Variants in CDH12 observed in about 807,000 individuals in gnomAD.
The protein encoded by CDH12 is cadherin 12, also known as cadherin-12.
Under a neutral mutation model 74.1 loss-of-function variants are expected in CDH12, and 41 were observed. That is an observed-to-expected ratio of 0.55 (90% CI 0.43 to 0.72). The LOEUF (loss-of-function observed/expected upper bound fraction) is 0.72. CDH12 is among the 30% of genes least tolerant of loss of function. The probability of loss-of-function intolerance (pLI) is 0.00; values close to 1 mark genes in which losing one functional copy is unlikely to be tolerated. For missense variants in CDH12, 945 were observed against 977.2 expected, an observed-to-expected ratio of 0.97 and a Z score of 0.44; for synonymous variants, 399 against 355.0, an observed-to-expected ratio of 1.12 and a Z score of -1.39.
chr5:22,709,238 CAA>C (rs1743176341), intron 1 of CDH12, among the ~76,000 whole-genome samples: 1 of 152,034 alleles, frequency 6.6e-6, no homozygotes, highest in Non-Finnish European at 1.5e-5. Flanking sequence ...GTAATGCAAA[CAA>C]ATAATAACCG....
chr5:21,790,833 A>G (rs1249674322), intron 10 of CDH12, among the ~76,000 whole-genome samples: 2 of 151,986 alleles, frequency 1.3e-5, no homozygotes, highest in Non-Finnish European at 2.9e-5. Flanking sequence ...AAGTCGTGGC[A>G]CACATAACCT....
intron 6 of CDH12, chr5:21,889,889 A>G (rs1482072773): frequency 1.0e-6 from 1 of 981,122 alleles, no homozygotes. Flanking sequence ...TTAGCATATA[A>G]GTTACCCCAC....
intron 1 of CDH12, among the ~76,000 whole-genome samples, chr5:22,786,840 T>A (rs897257489): frequency 1.3e-5 from 2 of 151,932 alleles, no homozygotes; most frequent in Non-Finnish European, 2.9e-5. Flanking sequence ...TGCCTCAGCC[T>A]CCCAAGTAGC....
chr5:22,566,847 A>G (rs1003089130), intron 1 of CDH12, among the ~76,000 whole-genome samples: 2 of 152,156 alleles, frequency 1.3e-5, no homozygotes, highest in Non-Finnish European at 2.9e-5. Context: ...GCTGTTTTTC[A>G]TAATATACTT....
At chr5:22,187,862 T>C (rs1408077040) in intron 4 of CDH12, among the ~76,000 whole-genome samples, 1 of 152,198 alleles carries the variant, frequency 6.6e-6, no homozygotes, top group African/African-American at 2.4e-5. Context: ...CACTGTGATT[T>C]AAAATGAGAG....
intron 5 of CDH12, among the ~76,000 whole-genome samples, chr5:22,059,253 C>CTA (rs1740985700): frequency 6.9e-6 from 1 of 144,216 alleles, no homozygotes; most frequent in Non-Finnish European, 1.5e-5. Flanking sequence ...TTTCCTTGTA[C>CTA]TCTATCTATC....
chr5:22,308,753 C>A lies in CDH12; in HGVS notation c.-332-96110G>T, dbSNP rs530486953. ...CAGGTTTCAGGAACTAGGACATGGA[C>A]ACCATGGGAAGGATATTATTCAGCC... is the stretch of plus-strand genomic sequence containing the variant. On this transcript the variant is annotated intron_variant, in intron 3 of 14. Transcript: ENST00000382254. Among the ~76,000 whole-genome samples, 4 of 151,646 alleles carry A rather than the reference C, an allele frequency of 2.6e-5. No individual in the cohort carries two copies. The East Asian group carries it at 7.8e-4, about 30-fold the overall frequency.
chr5:22,796,686 A>AT (rs1204844439), intron 1 of CDH12, among the ~76,000 whole-genome samples: 1 of 131,854 alleles, frequency 7.6e-6, no homozygotes, highest in African/African-American at 3.2e-5. Context: ...CGCCCGGCTA[A>AT]TTTTTTTGTA....
intron 1 of CDH12, among the ~76,000 whole-genome samples, chr5:22,659,281 T>A (rs767216232): frequency 1.3e-5 from 2 of 152,138 alleles, no homozygotes; most frequent in African/African-American, 4.8e-5. Context: ...AGTCTTCCCC[T>A]GCTGCTTAGA....
chr5:22,841,285 G>T (rs746198546), intron 1 of CDH12, among the ~76,000 whole-genome samples: 2 of 152,154 alleles, frequency 1.3e-5, no homozygotes. Context: ...GATATGCAAT[G>T]TGAGTGAAAT....
intron 5 of CDH12, among the ~76,000 whole-genome samples, chr5:22,021,710 A>T (rs1737990613): frequency 6.6e-6 from 1 of 152,206 alleles, no homozygotes; most frequent in Admixed American, 6.5e-5. Flanking sequence ...GAATAGGGTG[A>T]GTTAATGCTA....
rs7735010 is a variant in CDH12, at chr5:22,007,725, C to G, written c.232-32340G>C. 1.6e-3 allele frequency among the ~76,000 whole-genome samples: 240 copies of G among 152,222 alleles called. No homozygotes were observed. In the Middle Eastern group the frequency reaches 0.02, roughly 13 times the overall value. On this transcript the variant is annotated intron_variant, in intron 5 of 14. Coordinates refer to ENST00000382254, the MANE Select transcript of CDH12 (RefSeq NM_004061.5). ...ACTAAACCTTCTCCCCATGGTTTCC[C>G]AGGAAGAAGATGGTGAAGTTAGAAA... is the stretch of plus-strand genomic sequence containing the variant.
At chr5:22,359,256 CA>C (rs1740696283) in intron 3 of CDH12, among the ~76,000 whole-genome samples, 1 of 151,514 alleles carries the variant, frequency 6.6e-6, no homozygotes, top group African/African-American at 2.4e-5. Flanking sequence ...AAATGGAAAA[CA>C]AAAAAAGGCA....
At chr5:22,163,037 C>A (rs1350250753) in intron 4 of CDH12, among the ~76,000 whole-genome samples, 2 of 151,950 alleles carry the variant, frequency 1.3e-5, no homozygotes. Flanking sequence ...GCTGGGATTA[C>A]AAGCGCCCGT....
chr5:22,809,905 T>A (rs1448567397), intron 1 of CDH12, among the ~76,000 whole-genome samples: 1 of 152,110 alleles, frequency 6.6e-6, no homozygotes, highest in East Asian at 1.9e-4. Context: ...CCAATAAATA[T>A]ACTAATTCAA....
rs189089481 is a variant in CDH12, at chr5:22,085,304, T to G, written c.-186-6442A>C. 8.5e-5 allele frequency among the ~76,000 whole-genome samples: 13 copies of G among 152,294 alleles called. No homozygotes were observed. In the East Asian group the frequency reaches 2.1e-3, roughly 25 times the overall value. ...ATACAAAGGCTGTGGTTTCCCTAGT[T>G]ATTTATTTAAATGGGGAGTGTTTGC... On this transcript the variant is annotated intron_variant, in intron 4 of 14. Transcript: ENST00000382254.
At chr5:22,575,830 G>A (rs1739761682) in intron 1 of CDH12, among the ~76,000 whole-genome samples, 1 of 152,112 alleles carries the variant, frequency 6.6e-6, no homozygotes, top group Non-Finnish European at 1.5e-5. Context: ...CTCCCAAAGT[G>A]CTGGGATTAC....
At chr5:22,711,565 G>T (rs1361722971) in intron 1 of CDH12, among the ~76,000 whole-genome samples, 1 of 152,032 alleles carries the variant, frequency 6.6e-6, no homozygotes, top group Non-Finnish European at 1.5e-5. Context: ...TGACAACCAG[G>T]TCTTGTCATA....
At chr5:22,751,339 C>CATATATATATATATATATATAATATACAT (rs10616177) in intron 1 of CDH12, among the ~76,000 whole-genome samples, 1 of 145,254 alleles carries the variant, frequency 6.9e-6, no homozygotes, top group African/African-American at 2.5e-5. Context: ...ATATAATATA[C>CATATATATATATATATATATAATATACAT]ATATATATAT....
Sources: gnomAD v4.1 joint callset for allele counts (sites outside exome capture counted in the v4.1 genomes callset) on GRCh38, gnomAD v4.1.1 for gene constraint, MANE v1.5 for transcripts, NCBI Gene and HGNC (gene_info 2026-07-23, HGNC 2026-07-21) for gene names.